RNGTT: variants seen among roughly 807,000 people sequenced by gnomAD.
RNGTT encodes the protein mRNA-capping enzyme.
A neutral mutation model predicts 79.3 loss-of-function variants in RNGTT; 33 were observed. The ratio of observed to expected loss-of-function variants is 0.42; its 90% confidence interval spans 0.32 to 0.56. The LOEUF is 0.56. Ranked by LOEUF, RNGTT falls within the 20% of genes least tolerant of loss-of-function variation. The pLI is 0.17. For missense variants in RNGTT, 497 were observed against 739.1 expected (o/e 0.67, Z 3.80); for synonymous variants, 222 against 235.9 (o/e 0.94, Z 0.54).
At chr6:88,914,478 A>T (rs1783933326) in intron 4 of RNGTT, among the ~76,000 whole-genome samples, 1 of 152,210 alleles carries the variant, frequency 6.6e-6, no homozygotes, top group South Asian at 2.1e-4. Flanking sequence ...ACCCAGAAAT[A>T]AAGCCACATA....
intron 11 of RNGTT, among the ~76,000 whole-genome samples, chr6:88,836,156 A>G (rs1269676668): frequency 2.7e-5 from 4 of 150,518 alleles, no homozygotes; most frequent in African/African-American, 7.3e-5. Flanking sequence ...TCACCATATG[A>G]AAGTATGAAT....
chr6:88,776,722 T>C (rs1179815646), intron 12 of RNGTT, among the ~76,000 whole-genome samples: 2 of 152,152 alleles, frequency 1.3e-5, no homozygotes, highest in African/African-American at 2.4e-5. Flanking sequence ...GTTTTGTTTT[T>C]TGCTACTGAG....
chr6:88,887,281 G>A (rs1193273743), intron 8 of RNGTT, among the ~76,000 whole-genome samples: 2 of 152,070 alleles, frequency 1.3e-5, no homozygotes, highest in African/African-American at 4.8e-5. Context: ...ACTGTATCCT[G>A]ACATAGCTTT....
chr6:88,712,461 A>G (rs1249807591), intron 13 of RNGTT, among the ~76,000 whole-genome samples: 3 of 152,050 alleles, frequency 2.0e-5, no homozygotes, highest in Non-Finnish European at 4.4e-5. Context: ...ACATATCACC[A>G]TGTCCAGCTA....
intron 14 of RNGTT, among the ~76,000 whole-genome samples, chr6:88,658,805 T>C (rs929977547): frequency 3.3e-5 from 5 of 152,222 alleles, no homozygotes; most frequent in Admixed American, 3.3e-4. Flanking sequence ...TGCTGGATGC[T>C]TCCTGCCCTC....
intron 8 of RNGTT, among the ~76,000 whole-genome samples, chr6:88,876,654 A>G (rs994267033): frequency 4.6e-5 from 7 of 152,240 alleles, no homozygotes; most frequent in African/African-American, 1.7e-4. Context: ...GACAAATTCA[A>G]TCTCTTTATC....
chr6:88,937,063 C>A (rs1784687602), intron 2 of RNGTT, among the ~76,000 whole-genome samples: 1 of 152,124 alleles, frequency 6.6e-6, no homozygotes, highest in South Asian at 2.1e-4. Flanking sequence ...CTTTGATGGG[C>A]CAGGCACGGT....
chr6:88,696,377 A>C (rs1312386552), intron 13 of RNGTT, among the ~76,000 whole-genome samples: 1 of 152,180 alleles, frequency 6.6e-6, no homozygotes, highest in African/African-American at 2.4e-5. Flanking sequence ...ATAGTTGAAA[A>C]GTGAATTTTA....
intron 12 of RNGTT, among the ~76,000 whole-genome samples, chr6:88,783,371 G>C (rs1301717198): frequency 1.3e-5 from 2 of 152,062 alleles, no homozygotes; most frequent in East Asian, 3.9e-4. Flanking sequence ...TTAGGATGGT[G>C]GCTGCCTGGA....
chr6:88,639,068 G>A (rs1404057426), intron 14 of RNGTT, among the ~76,000 whole-genome samples: 6 of 152,034 alleles, frequency 3.9e-5, no homozygotes, highest in Admixed American at 2.6e-4. Flanking sequence ...TGTCAAAGAT[G>A]TCACTTTACT....
chr6:88,818,570 C>T (rs1272199167), intron 11 of RNGTT, among the ~76,000 whole-genome samples: 4 of 152,028 alleles, frequency 2.6e-5, no homozygotes, highest in South Asian at 2.1e-4. Flanking sequence ...AGTGAAACTC[C>T]GACTCATAGA....
chr6:88,624,797 A>G (rs1772567172), intron 14 of RNGTT, among the ~76,000 whole-genome samples: 1 of 151,968 alleles, frequency 6.6e-6, no homozygotes, highest in Non-Finnish European at 1.5e-5. Context: ...AGCATAGATT[A>G]TAATAAAATA....
chr6:88,956,764 C>T (rs568495266), intron 1 of RNGTT, among the ~76,000 whole-genome samples: 39 of 152,106 alleles, frequency 2.6e-4, no homozygotes, highest in Non-Finnish European at 4.4e-4. Context: ...GTTGGCCAGG[C>T]GTGGTGGCTC....
chr6:88,837,070 T>TA (rs768613262), intron 11 of RNGTT, among the ~76,000 whole-genome samples: 4 of 152,024 alleles, frequency 2.6e-5, no homozygotes, highest in Admixed American at 6.5e-5. Flanking sequence ...CTCAAAAACC[T>TA]AAAAAAGCAG....
intron 11 of RNGTT, among the ~76,000 whole-genome samples, chr6:88,816,027 A>G (rs1780304209): frequency 6.6e-6 from 1 of 152,224 alleles, no homozygotes; most frequent in Admixed American, 6.5e-5. Context: ...AATAAGACCT[A>G]AGATTTCTAT....
At position 88,692,464 on chromosome 6, in the gene RNGTT, A is replaced by G. The variant is rs542509146; in HGVS notation, c.1440-14045T>C. Among the ~76,000 whole-genome samples, 169 of 152,170 alleles carry G rather than the reference A, an allele frequency of 1.1e-3. 2 individuals carry two copies. The South Asian group carries it at 0.025, about 23-fold the overall frequency. ...AAAATAATACTCAGCAAAAAAAAAA[A>G]GGGCTATTGATAAATGTGACAGCAT... On this transcript the variant is annotated intron_variant, in intron 13 of 15. Coordinates refer to ENST00000369485, the MANE Select transcript of RNGTT (RefSeq NM_003800.5).
chr6:88,679,422 T>A (rs1200814180), intron 13 of RNGTT, among the ~76,000 whole-genome samples: 1 of 152,208 alleles, frequency 6.6e-6, no homozygotes, highest in Non-Finnish European at 1.5e-5. Context: ...AATAATTTAG[T>A]TGGAGATGAG....
chr6:88,694,708 A>G (rs1005525157), intron 13 of RNGTT, among the ~76,000 whole-genome samples: 1 of 152,204 alleles, frequency 6.6e-6, no homozygotes, highest in African/African-American at 2.4e-5. Context: ...TTACAAAGCT[A>G]TAGTAATTAA....
At chr6:88,812,504 G>A (rs1780173103) in intron 11 of RNGTT, among the ~76,000 whole-genome samples, 1 of 152,112 alleles carries the variant, frequency 6.6e-6, no homozygotes, top group Admixed American at 6.5e-5. Flanking sequence ...CATTCACTTA[G>A]TACCAATAAG....
Sources: gnomAD v4.1 joint callset for allele counts (sites outside exome capture counted in the v4.1 genomes callset) on GRCh38, gnomAD v4.1.1 for gene constraint, MANE v1.5 for transcripts, NCBI Gene and HGNC (gene_info 2026-07-23, HGNC 2026-07-21) for gene names.